Variants in ZNF500 observed in about 807,000 individuals in gnomAD.
ZNF500 encodes the protein zinc finger protein 500, also known as zinc finger protein with KRAB and SCAN domains 18.
A neutral mutation model predicts 30.1 loss-of-function variants in ZNF500; 31 were observed. The ratio of observed to expected loss-of-function variants is 1.03; its 90% CI spans 0.77 to 1.39. The LOEUF (loss-of-function observed/expected upper bound fraction) is 1.39. Ranked by LOEUF, ZNF500 falls within the 40% of genes most tolerant of loss-of-function variation. The pLI is 0.00. For synonymous variants in ZNF500, 392 were observed against 282.0 expected, an observed-to-expected ratio of 1.39 and a Z score of -3.91; for missense variants, 817 against 657.8, an observed-to-expected ratio of 1.24 and a Z score of -2.65.
downstream of ZNF500, chr16:4,746,888 G>C: frequency 2.7e-6 from 4 of 1,496,208 alleles, no homozygotes; most frequent in Non-Finnish European, 3.6e-6. Flanking sequence ...AACACCAGGT[G>C]GAGTGGGCAC....
chr16:4,762,812 C>A (rs904427181), intron 2 of ZNF500, 56 bp from the exon 3 acceptor site: 3 of 1,530,018 alleles, frequency 2.0e-6, no homozygotes, highest in Non-Finnish European at 2.6e-6. Context: ...AGGAAAAATC[C>A]CCGCAGGGCC....
At chr16:4,746,609 G>A (rs1277479936), downstream of ZNF500, 11 of 1,421,734 alleles carry the variant, frequency 7.7e-6, no homozygotes, top group Non-Finnish European at 1.0e-5. Flanking sequence ...GGGAGGAACA[G>A]GGACTTCAAA....
chr16:4,764,650 T>C (rs4786544), intron 2 of ZNF500, among the ~76,000 whole-genome samples: 89,459 of 151,118 alleles, frequency 0.59, 27,828 homozygotes, highest in East Asian at 0.71. Flanking sequence ...GGCGTGGTGG[T>C]GGGCGCCTGT....
intron 4 of ZNF500, among the ~76,000 whole-genome samples, chr16:4,760,825 C>T (rs565447130): frequency 2.8e-4 from 43 of 152,252 alleles, no homozygotes; most frequent in African/African-American, 8.4e-4. Context: ...AGATTCGCCA[C>T]GAGGAGTGGT....
rs191603907 is a variant in ZNF500 at position 4,749,255 on chromosome 16, G to C, written c.*3121C>G. Reference sequence around the variant, plus strand: ...CTGCCCTCGCAGCCTGGCGGCCTCCGCTGTGGCTGCCTAGCTGTCAAGAGC... The same window carrying C: ...CTGCCCTCGCAGCCTGGCGGCCTCCCCTGTGGCTGCCTAGCTGTCAAGAGC... On this transcript the variant is annotated 3_prime_UTR_variant, in exon 6 of 6. Coordinates refer to ENST00000219478, the MANE Select transcript of ZNF500 (RefSeq NM_021646.4). The C allele has an allele frequency of 1.3e-5, 2 of 154,414 alleles. No homozygotes were observed. The highest frequency in any genetic ancestry group is 4.8e-5 in the African/African-American group (2 of 41,526). 9.6% of individuals were successfully genotyped at this position (154,414 alleles called of 1,614,324 possible).
At position 4,751,833 on chromosome 16, in the gene ZNF500, A is replaced by C. The variant is rs2082080864; in HGVS notation, c.*543T>G. 2.0e-6 allele frequency: 1 copy of C among 489,112 alleles called. No homozygotes were observed. The highest frequency in any genetic ancestry group is 3.1e-5 in the Admixed American group (1 of 32,758). The allele number at this position is 489,112 out of a possible 1,614,324, so 30.3% of individuals were successfully genotyped here. A position where few individuals can be genotyped will look rare whatever the true frequency, so the allele number is the denominator to read the frequency against. The stretch of plus-strand genomic sequence containing the variant: ...TGAGGCAGGAGGAACACTTGAGCCC[A>C]GGGATTCGAGGCTGCAGTGAGCTAT... On this transcript the variant is annotated 3_prime_UTR_variant, in exon 6 of 6. Transcript: ENST00000219478.
At chr16:4,757,063 G>A (rs2085330) in intron 5 of ZNF500, among the ~76,000 whole-genome samples, 85,407 of 151,932 alleles carry the variant, frequency 0.56, 25,041 homozygotes, top group East Asian at 0.66. Context: ...TCTCAAAAAA[G>A]GGAAGAAAAA....
chr16:4,747,025 G>A (rs199612882), downstream of ZNF500: 195 of 1,528,196 alleles, frequency 1.3e-4, no homozygotes, highest in Middle Eastern at 1.7e-3. Context: ...CTGGGGCTAC[G>A]GTAACCACCC....
chr16:4,762,547 C>A, intron 3 of ZNF500, 26 bp downstream of exon 3: 1 of 1,593,412 alleles, frequency 6.3e-7, no homozygotes, highest in South Asian at 1.1e-5. Flanking sequence ...CACCACTTCT[C>A]ATTCCTCCAA....
intron 2 of ZNF500, chr16:4,763,137 C>T (rs1287124008): frequency 1.3e-5 from 13 of 985,198 alleles, no homozygotes; most frequent in African/African-American, 1.7e-5. Flanking sequence ...ATGGCTCACA[C>T]CTGTAATTCC....
chr16:4,763,939 C>A (rs2082235094), intron 2 of ZNF500: 1 of 985,480 alleles, frequency 1.0e-6, no homozygotes, highest in African/African-American at 1.7e-5. Flanking sequence ...CTGGTCAGCA[C>A]TGCCCATGTG....
intron 5 of ZNF500, among the ~76,000 whole-genome samples, chr16:4,759,923 C>A (rs200218133): frequency 6.6e-6 from 1 of 152,172 alleles, no homozygotes; most frequent in Non-Finnish European, 1.5e-5. Context: ...CCTGTAATCC[C>A]AGCTACTTGG....
At chr16:4,763,931 G>A (rs2082235004) in intron 2 of ZNF500, 3 of 985,342 alleles carry the variant, frequency 3.0e-6, no homozygotes, top group Admixed American at 1.2e-4. Flanking sequence ...AAAGGCAGCT[G>A]GTCAGCACTG....
downstream of ZNF500, chr16:4,747,270 C>T: frequency 1.3e-6 from 2 of 1,482,512 alleles, no homozygotes; most frequent in Non-Finnish European, 1.8e-6. Context: ...CTGCTTTTCT[C>T]CTGTTTCAGT....
At chr16:4,764,216 G>A (rs997394775) in intron 2 of ZNF500, 24 of 398,702 alleles carry the variant, frequency 6.0e-5, no homozygotes, top group Non-Finnish European at 8.2e-5. Flanking sequence ...CAGTGTGACT[G>A]AGGAACTAAT....
In ZNF500 at chr16:4,762,641, G is replaced by A. The variant is rs145928173; in HGVS notation, c.530C>T (p.Ser177Phe). The A allele has an allele frequency of 6.2e-7, 1 of 1,614,154 alleles. No homozygotes were observed. Among genetic ancestry groups the A allele is most frequent in the Non-Finnish European group, 8.5e-7 (1 of 1,180,006 alleles). Reference protein sequence around the residue: ...DLSLEEEARFSSQQPPAQLSH... With the variant: ...DLSLEEEARFFSQQPPAQLSH... ...CAGCTGGGCTGGGGGCTGCTGGCTG[G>A]AGAATCGAGCCTCTTCCTCCAGGGA... is the stretch of plus-strand genomic sequence containing the variant. Residue 177 changes from serine (S) to phenylalanine (F), a missense_variant, in exon 3 of 6, where the codon TCC becomes TTC. Coordinates refer to ENST00000219478, the MANE Select transcript of ZNF500 (RefSeq NM_021646.4).
intron 1 of ZNF500, among the ~76,000 whole-genome samples, chr16:4,766,776 C>G: frequency 6.6e-6 from 1 of 152,226 alleles, no homozygotes; most frequent in South Asian, 2.1e-4. Context: ...GTGTCCAGGT[C>G]TGGCGAACCC....
chr16:4,754,687 A>T (rs969559456), intron 5 of ZNF500, among the ~76,000 whole-genome samples: 2 of 151,438 alleles, frequency 1.3e-5, no homozygotes, highest in South Asian at 2.1e-4. Flanking sequence ...AAAAAAAAAT[A>T]GAAAATAAAT....
At chr16:4,747,650 G>T (rs572416705), downstream of ZNF500, 13 of 1,586,814 alleles carry the variant, frequency 8.2e-6, no homozygotes, top group South Asian at 7.8e-5. Context: ...GGGATCCCAG[G>T]AGTGGGCAGG....
Sources: gnomAD v4.1 joint callset for allele counts (sites outside exome capture counted in the v4.1 genomes callset) on GRCh38, gnomAD v4.1.1 for gene constraint, MANE v1.5 for transcripts, NCBI Gene and HGNC (gene_info 2026-07-23, HGNC 2026-07-21) for gene names.